Variants in CLSTN1 observed in about 807,000 individuals in gnomAD.
CLSTN1 encodes the protein calsyntenin-1.
In CLSTN1, 28 loss-of-function variants were observed where a neutral mutation model predicts 108.3. That is an observed-to-expected ratio of 0.26 (90% CI 0.19 to 0.35). The LOEUF is 0.35. Among genes scored for constraint, CLSTN1 ranks in the 10% least tolerant of loss-of-function variants. The probability of loss-of-function intolerance (pLI) is 1.00; values close to 1 mark genes in which losing one functional copy is unlikely to be tolerated. For missense variants in CLSTN1, 1,157 were observed against 1,302.6 expected (o/e 0.89, Z 1.72); for synonymous variants, 524 against 534.9 (o/e 0.98, Z 0.28).
chr1:9,771,510 A>C (rs530041091), intron 2 of CLSTN1, among the ~76,000 whole-genome samples: 100 of 152,230 alleles, frequency 6.6e-4, no homozygotes, highest in African/African-American at 2.3e-3. Flanking sequence ...GCTACTCAGG[A>C]GGCTGAGGCA....
chr1:9,786,249 A>G (rs1653481012), intron 1 of CLSTN1, among the ~76,000 whole-genome samples: 1 of 152,206 alleles, frequency 6.6e-6, no homozygotes, highest in Non-Finnish European at 1.5e-5. Context: ...AGAACAATTG[A>G]GTTTTTTAAT....
chr1:9,747,455 G>A (rs1054136642), intron 7 of CLSTN1, among the ~76,000 whole-genome samples: 3 of 152,040 alleles, frequency 2.0e-5, no homozygotes, highest in Non-Finnish European at 4.4e-5. Flanking sequence ...GCAGCATAAT[G>A]TCTAGTTTTC....
rs192174774 is a variant in CLSTN1 at position 9,790,552 on chromosome 1, T to C, written c.92-17158A>G. The stretch of plus-strand genomic sequence containing the variant: ...TTTGTTGAGGACTTTTTAAATGTTT[T>C]GTTGAGATCGCCATTAAAATATTTT... On this transcript the variant is annotated intron_variant, in intron 1 of 18. Coordinates refer to ENST00000377298, the MANE Select transcript of CLSTN1 (RefSeq NM_001009566.3). Among the ~76,000 whole-genome samples the C allele has an allele frequency of 1.4e-3, 216 of 151,602 alleles. 1 individual carries two copies. Among genetic ancestry groups the C allele is most frequent in the Non-Finnish European group, 2.6e-3 (178 of 68,028 alleles).
At chr1:9,756,060 C>T (rs1651791176) in intron 3 of CLSTN1, among the ~76,000 whole-genome samples, 1 of 152,110 alleles carries the variant, frequency 6.6e-6, no homozygotes, top group African/African-American at 2.4e-5. Context: ...AATTGGCTCA[C>T]AACTTAATTA....
intron 1 of CLSTN1, among the ~76,000 whole-genome samples, chr1:9,787,838 G>A (rs985198136): frequency 2.0e-5 from 3 of 151,304 alleles, no homozygotes; most frequent in Admixed American, 6.7e-5. Flanking sequence ...ACCACTACCC[G>A]TCTCTAGAAC....
At chr1:9,784,956 T>C (rs1447583846) in intron 1 of CLSTN1, among the ~76,000 whole-genome samples, 1 of 152,070 alleles carries the variant, frequency 6.6e-6, no homozygotes, top group Non-Finnish European at 1.5e-5. Flanking sequence ...TAAAAAGGCA[T>C]TATCTCTGGG....
intron 1 of CLSTN1, among the ~76,000 whole-genome samples, chr1:9,776,617 G>A (rs907566455): frequency 1.1e-4 from 17 of 151,978 alleles, no homozygotes; most frequent in Admixed American, 1.1e-3. Flanking sequence ...AAGCCTCCCT[G>A]TCCTTATCCC....
chr1:9,751,743 G>C (rs1034022390), intron 4 of CLSTN1, 62 bp from the exon 5 acceptor site: 1 of 1,444,738 alleles, frequency 6.9e-7, no homozygotes, highest in Non-Finnish European at 9.7e-7. Flanking sequence ...GAGAGACAGA[G>C]AGTGTGTATG....
In CLSTN1 at chr1:9,773,525, T is replaced by C. The variant is rs1652792098; in HGVS notation, c.92-131A>G. ...TAGGCTTGAAGACAGTGCTCACAGT[T>C]CTGTCGCAAAATTTGGTATCAAGAC... is the stretch of plus-strand genomic sequence containing the variant. On this transcript the variant is annotated intron_variant, in intron 1 of 18. Transcript: ENST00000377298. The C allele has an allele frequency of 7.5e-6, 7 of 931,980 alleles. No individual in the cohort carries two copies. In the East Asian group the frequency reaches 2.2e-4, roughly 29 times the overall value. 57.7% of individuals were successfully genotyped at this position (931,980 alleles called of 1,614,324 possible). A position where few individuals can be genotyped will look rare whatever the true frequency, so the allele number is the denominator to read the frequency against.
chr1:9,812,371 G>C (rs530187191), intron 1 of CLSTN1, among the ~76,000 whole-genome samples: 33 of 152,154 alleles, frequency 2.2e-4, no homozygotes, highest in Non-Finnish European at 4.7e-4. Flanking sequence ...GGGGAAGGAG[G>C]AGCATTGGCC....
At chr1:9,797,561 A>G (rs1177231967) in intron 1 of CLSTN1, among the ~76,000 whole-genome samples, 1 of 152,074 alleles carries the variant, frequency 6.6e-6, no homozygotes, top group Non-Finnish European at 1.5e-5. Context: ...GGATCATGTG[A>G]GCCCAGGAGT....
Position 9,751,591 on chromosome 1 carries a change from C to T in CLSTN1, c.531G>A (p.Lys177=). The T allele has an allele frequency of 6.2e-7, 1 of 1,614,196 alleles. No homozygotes were observed. Among genetic ancestry groups the T allele is most frequent in the Non-Finnish European group, 8.5e-7 (1 of 1,180,034 alleles). ...CCACCCTCAAAATGCTGTCGTACTG[C>T]TTCCCCTCGATGACCGTGGCTTTGT... The part of the protein sequence containing the change: ...KSYKATVIEG[K]QYDSILRVEA... Residue 177 remains lysine, a synonymous_variant, in exon 5 of 19, where the codon AAG becomes AAA. Coordinates refer to ENST00000377298, the MANE Select transcript of CLSTN1 (RefSeq NM_001009566.3).
intron 5 of CLSTN1, chr1:9,750,217 AAAT>A (rs761507588): frequency 1.4e-4 from 30 of 211,702 alleles, no homozygotes; most frequent in South Asian, 6.0e-4. Context: ...GAGGATTAAA[AAAT>A]AATAATAATT....
At chr1:9,751,436 GTC>G (rs763767442) in intron 5 of CLSTN1, 35 bp downstream of exon 5, 5 of 1,601,928 alleles carry the variant, frequency 3.1e-6, no homozygotes, top group Non-Finnish European at 4.3e-6. Flanking sequence ...AGCAGGGACT[GTC>G]TACCTAGCTG....
At chr1:9,794,856 C>T (rs1653920057) in intron 1 of CLSTN1, among the ~76,000 whole-genome samples, 1 of 151,276 alleles carries the variant, frequency 6.6e-6, no homozygotes, top group Non-Finnish European at 1.5e-5. Flanking sequence ...TGTCTCCTGA[C>T]CTTCACATAC....
intron 1 of CLSTN1, among the ~76,000 whole-genome samples, chr1:9,776,826 A>G (rs1652970095): frequency 6.6e-6 from 1 of 151,538 alleles, no homozygotes; most frequent in South Asian, 2.1e-4. Flanking sequence ...GCATTTATCT[A>G]TCATCTATCA....
intron 5 of CLSTN1, among the ~76,000 whole-genome samples, chr1:9,750,466 C>T (rs867080045): frequency 6.6e-6 from 1 of 151,928 alleles, no homozygotes; most frequent in Non-Finnish European, 1.5e-5. Context: ...AACAGGGTCT[C>T]GTTCTCTTGC....
rs569782852 is a variant in CLSTN1 at position 9,806,735 on chromosome 1, C to T, written c.91+16908G>A. 9.9e-5 allele frequency among the ~76,000 whole-genome samples: 15 copies of T among 151,810 alleles called. No individual in the cohort carries two copies. In the East Asian group the frequency reaches 1.7e-3, roughly 18 times the overall value. On this transcript the variant is annotated intron_variant, in intron 1 of 18. Transcript: ENST00000377298. ...TCTACTAAAAATACAAAAAATTAAC[C>T]GGGCGTGGTGGCGGGCACCTGTAGT...
intron 1 of CLSTN1, among the ~76,000 whole-genome samples, chr1:9,793,572 G>T (rs1653862041): frequency 6.6e-6 from 1 of 151,534 alleles, no homozygotes; most frequent in African/African-American, 2.4e-5. Flanking sequence ...CATGAATGGA[G>T]GCCATTCGAA....
Sources: allele counts gnomAD v4.1 joint callset (sites outside exome capture counted in the v4.1 genomes callset), GRCh38; gene constraint gnomAD v4.1.1; transcripts MANE v1.5; gene names NCBI Gene and HGNC (gene_info 2026-07-23, HGNC 2026-07-21).